RARA: variants seen among roughly 807,000 people sequenced by gnomAD.
The protein encoded by RARA is PML-DDX5-RARA fusion.
Under a neutral mutation model 42.8 loss-of-function variants are expected in RARA, and 5 were observed. The observed-to-expected ratio is 0.12, with a 90% CI of 0.06 to 0.25. The LOEUF (loss-of-function observed/expected upper bound fraction) is 0.25. Ranked by LOEUF, RARA falls within the 10% of genes least tolerant of loss-of-function variation. The pLI, the probability that RARA is intolerant of heterozygous loss-of-function variation, is 1.00. For missense variants in RARA, 402 were observed against 628.7 expected (o/e 0.64, Z 3.86); for synonymous variants, 256 against 259.5 (o/e 0.99, Z 0.13).
In RARA at chr17:40,330,949, C is replaced by G; in HGVS notation, c.-270C>G. On this transcript the variant is annotated 5_prime_UTR_variant, in exon 2 of 9. Transcript: ENST00000254066. ...CCCTGAAGGCCAGCTCTGGACCTTC[C>G]CAGGAAAAGTGCCAGCTCACAGAAC... 1 of 430,596 alleles carries G rather than the reference C, an allele frequency of 2.3e-6. No homozygotes were observed. The highest frequency in any genetic ancestry group is 4.1e-6 in the Non-Finnish European group (1 of 242,312). The allele number at this position is 430,596 out of a possible 1,614,324, so 26.7% of individuals were successfully genotyped here.
At chr17:40,324,847 G>A (rs766591762) in intron 1 of RARA, among the ~76,000 whole-genome samples, 3 of 152,180 alleles carry the variant, frequency 2.0e-5, no homozygotes, top group Non-Finnish European at 2.9e-5. Context: ...CCTAGCTCTA[G>A]CAAGGCTGGC....
Position 40,349,765 on chromosome 17 carries a change from C to T in RARA, c.328-19C>T. 6.2e-7 allele frequency: 1 copy of T among 1,613,590 alleles called. No homozygotes were observed. The highest frequency in any genetic ancestry group is 1.1e-5 in the South Asian group (1 of 91,038). ...CACTGTGGGTGTGGACAACCTGACTCCCTCCCCTCCATACCCAGGGCTTCT... is the reference window on the plus strand; with the variant it reads ...CACTGTGGGTGTGGACAACCTGACTTCCTCCCCTCCATACCCAGGGCTTCT... On this transcript the variant is annotated intron_variant, in intron 3 of 8. Transcript: ENST00000254066.
At chr17:40,315,130 G>GTATATATA (rs1356666001) in intron 1 of RARA, among the ~76,000 whole-genome samples, 1 of 53,990 alleles carries the variant, frequency 1.9e-5, no homozygotes, top group African/African-American at 6.0e-5. Context: ...ATGCTTATAT[G>GTATATATA]TGTATATATA....
intron 2 of RARA, among the ~76,000 whole-genome samples, chr17:40,337,841 T>C (rs2033899219): frequency 6.6e-6 from 1 of 152,008 alleles, no homozygotes; most frequent in South Asian, 2.1e-4. Flanking sequence ...TTGCAGTCTG[T>C]GCATACTGCC....
intron 2 of RARA, chr17:40,340,729 A>G (rs2034007913): frequency 2.5e-6 from 1 of 398,432 alleles, no homozygotes; most frequent in Non-Finnish European, 4.4e-6. Flanking sequence ...GTGTGCATAC[A>G]GTGATTATTT....
At chr17:40,338,883 T>C (rs1428249309) in intron 2 of RARA, among the ~76,000 whole-genome samples, 20 of 152,006 alleles carry the variant, frequency 1.3e-4, no homozygotes, top group Admixed American at 1.3e-3. Flanking sequence ...CTGGGCATGC[T>C]GGTGCACACC....
intron 2 of RARA, chr17:40,341,050 C>T (rs1567756106): frequency 5.0e-6 from 2 of 400,520 alleles, no homozygotes; most frequent in Non-Finnish European, 8.8e-6. Context: ...ACATTTCCAT[C>T]CTTCCTTTTA....
chr17:40,316,247 G>A (rs1194674121), intron 1 of RARA, among the ~76,000 whole-genome samples: 4 of 152,256 alleles, frequency 2.6e-5, no homozygotes, highest in Non-Finnish European at 5.9e-5. Flanking sequence ...GTGGGTTTGT[G>A]TGTATGAATT....
intron 1 of RARA, among the ~76,000 whole-genome samples, chr17:40,318,002 G>A (rs577227505): frequency 6.6e-6 from 1 of 152,288 alleles, no homozygotes; most frequent in East Asian, 1.9e-4. Flanking sequence ...ACCTCACCCC[G>A]TTCTTGCTCT....
At position 40,351,542 on chromosome 17, in the gene RARA, G is replaced by A. The variant is rs995649609; in HGVS notation, c.470-368G>A. ...AGCTGGGAGGGCTGGGTGAGTGGAGGCGGGAGAAGGACCTTCCTGGGGAAA... is the reference window on the plus strand; with the variant it reads ...AGCTGGGAGGGCTGGGTGAGTGGAGACGGGAGAAGGACCTTCCTGGGGAAA... On this transcript the variant is annotated intron_variant, in intron 4 of 8. Transcript: ENST00000254066. The surrounding 1 kb of genome is among the most constrained non-coding windows in gnomAD (Gnocchi z 4.1). The A allele has an allele frequency of 1.1e-5, 5 of 471,470 alleles. No individual in the cohort carries two copies. The highest frequency in any genetic ancestry group is 1.7e-5 in the Non-Finnish European group (4 of 231,588). The allele number at this position is 471,470 out of a possible 1,614,324, so 29.2% of individuals were successfully genotyped here.
chr17:40,356,477 G>C lies in RARA; in HGVS notation c.*251G>C, dbSNP rs2034634744. ...AGGCCAGGAACTGAGTGAGGCCCCT[G>C]GTCCTGGGTCTCAGGATGGGTCCTG... On this transcript the variant is annotated 3_prime_UTR_variant, in exon 9 of 9. Transcript: ENST00000254066. The C allele has an allele frequency of 1.4e-6, 1 of 692,084 alleles. No homozygotes were observed. The highest frequency in any genetic ancestry group is 2.6e-6 in the Non-Finnish European group (1 of 378,900). The allele number at this position is 692,084 out of a possible 1,614,324, so 42.9% of individuals were successfully genotyped here.
intron 1 of RARA, among the ~76,000 whole-genome samples, chr17:40,314,196 T>TG (rs2033148511): frequency 4.4e-5 from 1 of 22,846 alleles, no homozygotes; most frequent in South Asian, 1.8e-3. Flanking sequence ...GGGGTGGGGG[T>TG]GGGGACGAGC....
intron 1 of RARA, among the ~76,000 whole-genome samples, chr17:40,321,880 C>T (rs1375236074): frequency 1.3e-5 from 2 of 152,170 alleles, no homozygotes; most frequent in African/African-American, 2.4e-5. Context: ...ACTTCCCCTT[C>T]GCCACTCCAA....
chr17:40,319,643 T>C (rs1206236133), intron 1 of RARA, among the ~76,000 whole-genome samples: 1 of 151,662 alleles, frequency 6.6e-6, no homozygotes, highest in Non-Finnish European at 1.5e-5. Flanking sequence ...CTGGTTGCAG[T>C]CTTCATAGGG....
rs2034457210 is a variant in RARA at position 40,351,651 on chromosome 17, TGGGGTGGGGTGG to T, written c.470-252_470-241del. ...GTGGGGGATAGCATGCGGCTGGCTA[TGGGGTGGGGTGG>T]GGGGTGTGTGCAGGGCCACAGCTGT... On this transcript the variant is annotated intron_variant, in intron 4 of 8. Coordinates refer to ENST00000254066, the MANE Select transcript of RARA (RefSeq NM_000964.4). This position sits in a 1 kb window ranked among gnomAD's most constrained non-coding sequence, Gnocchi z 4.1. 12 of 528,150 alleles carry T rather than the reference TGGGGTGGGGTGG, an allele frequency of 2.3e-5. No homozygotes were observed. The East Asian group carries it at 4.0e-4, about 18-fold the overall frequency. 32.7% of individuals were successfully genotyped at this position (528,150 alleles called of 1,614,324 possible).
At position 40,334,834 on chromosome 17, in the gene RARA, C is replaced by T. The variant is rs193077040; in HGVS notation, c.178+3438C>T. On this transcript the variant is annotated intron_variant, in intron 2 of 8. Coordinates refer to ENST00000254066, the MANE Select transcript of RARA (RefSeq NM_000964.4). ...GGCAGCACATTAGGTGGCCTGGGTG[C>T]GCCCTTCAGAGACCTAGTAGCCTAT... is the stretch of plus-strand genomic sequence containing the variant. Among the ~76,000 whole-genome samples, 483 of 152,310 alleles carry T rather than the reference C, an allele frequency of 3.2e-3. 2 individuals are homozygous for T. The highest frequency in any genetic ancestry group is 0.011 in the African/African-American group (455 of 41,566).
Position 40,348,368 on chromosome 17 carries a change from G to A in RARA, c.231G>A (p.Ser77=), listed in dbSNP as rs2229771. ...AAGAGATAGTGCCCAGCCCTCCCTC[G>A]CCACCCCCTCTACCCCGCATCTACA... is the stretch of plus-strand genomic sequence containing the variant. ...SSEEIVPSPP[S]PPPLPRIYKP... The change falls in exon 3 of 9, where the codon TCG becomes TCA. Residue 77 remains serine, a synonymous_variant. Coordinates refer to ENST00000254066, the MANE Select transcript of RARA (RefSeq NM_000964.4). 9.5e-5 allele frequency: 153 copies of A among 1,612,376 alleles called. No individual in the cohort carries two copies. The African/African-American group carries it at 1.5e-3, about 16-fold the overall frequency.
intron 2 of RARA, among the ~76,000 whole-genome samples, chr17:40,335,167 CAGAGCT>C (rs2033808518): frequency 6.6e-6 from 1 of 151,918 alleles, no homozygotes; most frequent in Non-Finnish European, 1.5e-5. Context: ...GAATTAAATC[CAGAGCT>C]AAGGAGGGAG....
In RARA at chr17:40,351,661, TG is replaced by T; in HGVS notation, c.470-243del. 2.2e-5 allele frequency: 12 copies of T among 536,046 alleles called. No individual in the cohort carries two copies. Among genetic ancestry groups the T allele is most frequent in the Non-Finnish European group, 3.3e-5 (10 of 299,726 alleles). The allele number at this position is 536,046 out of a possible 1,614,324, so 33.2% of individuals were successfully genotyped here. A position where few individuals can be genotyped will look rare whatever the true frequency, so the allele number is the denominator to read the frequency against. On this transcript the variant is annotated intron_variant, in intron 4 of 8. Transcript: ENST00000254066. This position sits in a 1 kb window ranked among gnomAD's most constrained non-coding sequence, Gnocchi z 4.1. ...GCATGCGGCTGGCTATGGGGTGGGG[TG>T]GGGGGTGTGTGCAGGGCCACAGCTG...
Sources: allele counts gnomAD v4.1 joint callset (sites outside exome capture counted in the v4.1 genomes callset), GRCh38; gene constraint gnomAD v4.1.1; non-coding constraint Gnocchi (gnomAD v3.1); transcripts MANE v1.5; gene names NCBI Gene and HGNC (gene_info 2026-07-23, HGNC 2026-07-21).